WDR25: variants seen among roughly 807,000 people sequenced by gnomAD.
WDR25 encodes WD repeat-containing protein 25.
Under a neutral mutation model 47.7 loss-of-function variants are expected in WDR25, and 35 were observed. That is an observed-to-expected ratio of 0.73 (90% CI 0.56 to 0.97). The LOEUF (loss-of-function observed/expected upper bound fraction) is 0.97. Among genes scored for constraint, WDR25 ranks in the 50% least tolerant of loss-of-function variants. The pLI, the probability that WDR25 is intolerant of heterozygous loss-of-function variation, is 0.00. For synonymous variants in WDR25, 248 were observed against 278.9 expected (o/e 0.89, Z 1.10); for missense variants, 634 against 704.7 (o/e 0.90, Z 1.14).
At chr14:100,518,669 T>C (rs990267869) in intron 4 of WDR25, among the ~76,000 whole-genome samples, 13 of 152,256 alleles carry the variant, frequency 8.5e-5, no homozygotes, top group African/African-American at 2.9e-4. Flanking sequence ...GGCGGGCAGA[T>C]TGTCTGAGCT....
chr14:100,413,150 A>C (rs1897758417), intron 2 of WDR25, among the ~76,000 whole-genome samples: 1 of 152,204 alleles, frequency 6.6e-6, no homozygotes, highest in Admixed American at 6.5e-5. Flanking sequence ...TAATTTTTAA[A>C]AAGGTAAATT....
intron 2 of WDR25, among the ~76,000 whole-genome samples, chr14:100,420,991 T>TC (rs1898009949): frequency 1.3e-5 from 2 of 152,254 alleles, no homozygotes; most frequent in Non-Finnish European, 2.9e-5. Context: ...TGAGTCTTTT[T>TC]ATTTCTGTCT....
At chr14:100,527,844 A>C (rs923602564) in intron 5 of WDR25, among the ~76,000 whole-genome samples, 2 of 152,082 alleles carry the variant, frequency 1.3e-5, no homozygotes, top group African/African-American at 4.8e-5. Context: ...GCTGCTCCCC[A>C]CTTTGCCCTC....
chr14:100,450,507 A>G (rs577093771), intron 2 of WDR25, among the ~76,000 whole-genome samples: 1 of 152,352 alleles, frequency 6.6e-6, no homozygotes, highest in Non-Finnish European at 1.5e-5. Context: ...TCCAGCAGTG[A>G]GCAAATTTCT....
At chr14:100,510,663 G>A (rs1054768435) in intron 4 of WDR25, among the ~76,000 whole-genome samples, 3 of 151,786 alleles carry the variant, frequency 2.0e-5, no homozygotes, top group Admixed American at 1.3e-4. Context: ...TTGAACCCGG[G>A]AGCCGGAGGT....
At chr14:100,394,212 G>A (rs540818791) in intron 2 of WDR25, among the ~76,000 whole-genome samples, 10 of 152,274 alleles carry the variant, frequency 6.6e-5, no homozygotes, top group East Asian at 1.9e-4. Flanking sequence ...AATCCGGTGC[G>A]CACCCAGTGA....
In WDR25 at chr14:100,502,898, T is replaced by C. The variant is rs11848096; in HGVS notation, c.1101+18774T>C. 0.56 allele frequency among the ~76,000 whole-genome samples: 85,303 copies of C among 151,974 alleles called. 27,645 individuals are homozygous for C. Among genetic ancestry groups the C allele is most frequent in the African/African-American group, 0.89 (36,861 of 41,472 alleles). ...CACGTAGGCACTAAAGGGCACAACA[T>C]ATGAGGGAATGGTGAGGGTTTTTTG... On this transcript the variant is annotated intron_variant, in intron 4 of 6. Coordinates refer to ENST00000402312, the MANE Select transcript of WDR25 (RefSeq NM_001161476.3). This position sits in a 1 kb window ranked among gnomAD's most constrained non-coding sequence, Gnocchi z 4.5.
intron 2 of WDR25, among the ~76,000 whole-genome samples, chr14:100,393,692 C>T (rs1467622403): frequency 2.6e-5 from 4 of 152,132 alleles, no homozygotes; most frequent in Admixed American, 6.5e-5. Flanking sequence ...GGAAAGGGAG[C>T]GAGGGCTGTT....
chr14:100,488,985 G>C lies in WDR25; in HGVS notation c.1101+4861G>C, dbSNP rs1198410163. On this transcript the variant is annotated intron_variant, in intron 4 of 6. Transcript: ENST00000402312. This position sits in a 1 kb window ranked among gnomAD's most constrained non-coding sequence, Gnocchi z 4.2. ...TGAGCTGATGGGGTCAGCCGCCACT[G>C]TCATTGTGATAGAGGCCTGCAGGAG... is the stretch of plus-strand genomic sequence containing the variant. Among the ~76,000 whole-genome samples, 1 of 152,340 alleles carries C rather than the reference G, an allele frequency of 6.6e-6. No homozygotes were observed. The highest frequency in any genetic ancestry group is 2.1e-4 in the South Asian group (1 of 4,832).
At chr14:100,478,506 C>A (rs1028394643) in intron 3 of WDR25, among the ~76,000 whole-genome samples, 9 of 152,204 alleles carry the variant, frequency 5.9e-5, no homozygotes, top group African/African-American at 1.9e-4. Context: ...AGCGAGATTT[C>A]TACCTTAGTC....
rs966229329 is a variant in WDR25 at position 100,412,904 on chromosome 14, A to G, written c.822+31158A>G. Among the ~76,000 whole-genome samples the G allele has an allele frequency of 3.9e-5, 6 of 152,154 alleles. No individual in the cohort carries two copies. In the South Asian group the frequency reaches 1.2e-3, roughly 32 times the overall value. ...GAGTACAGTGGCGCGATCTTGGCTC[A>G]CTGCAACCTCCACCTCCTGAGTTCA... is the stretch of plus-strand genomic sequence containing the variant. On this transcript the variant is annotated intron_variant, in intron 2 of 6. Coordinates refer to ENST00000402312, the MANE Select transcript of WDR25 (RefSeq NM_001161476.3).
rs1169378922 is a variant in WDR25 at position 100,499,610 on chromosome 14, G to A, written c.1101+15486G>A. Among the ~76,000 whole-genome samples the A allele has an allele frequency of 6.6e-6, 1 of 152,228 alleles. No individual in the cohort carries two copies. Among genetic ancestry groups the A allele is most frequent in the Non-Finnish European group, 1.5e-5 (1 of 68,034 alleles). On this transcript the variant is annotated intron_variant, in intron 4 of 6. Coordinates refer to ENST00000402312, the MANE Select transcript of WDR25 (RefSeq NM_001161476.3). The surrounding 1 kb of genome is among the most constrained non-coding windows in gnomAD (Gnocchi z 4.4). ...CTGCATCCTGGAGGAAGGCACTGGT[G>A]CAGAGAGATGGGCTGGAGGTGGGGT...
intron 2 of WDR25, among the ~76,000 whole-genome samples, chr14:100,403,473 C>G (rs1897440661): frequency 6.6e-6 from 1 of 152,188 alleles, no homozygotes. Context: ...CTCTTTCTAC[C>G]CTAGGTCTGG....
chr14:100,428,624 G>A lies in WDR25; in HGVS notation c.823-39397G>A, dbSNP rs1433775605. Among the ~76,000 whole-genome samples, 1 of 152,170 alleles carries A rather than the reference G, an allele frequency of 6.6e-6. No homozygotes were observed. Among genetic ancestry groups the A allele is most frequent in the Non-Finnish European group, 1.5e-5 (1 of 68,034 alleles). On this transcript the variant is annotated intron_variant, in intron 2 of 6. Transcript: ENST00000402312. This position sits in a 1 kb window ranked among gnomAD's most constrained non-coding sequence, Gnocchi z 4.3. ...CCAGGAGAGTACTGGGGCCTTGCCA[G>A]CGGAGCCCCCTCTTCCCTGGTCTTA...
At chr14:100,443,263 C>T (rs1191237197) in intron 2 of WDR25, among the ~76,000 whole-genome samples, 1 of 152,256 alleles carries the variant, frequency 6.6e-6, no homozygotes, top group African/African-American at 2.4e-5. Flanking sequence ...AAGAGACACA[C>T]ATTTAGAAAA....
chr14:100,429,139 A>T (rs990184856), intron 2 of WDR25, among the ~76,000 whole-genome samples: 4 of 152,122 alleles, frequency 2.6e-5, no homozygotes, highest in Non-Finnish European at 5.9e-5. Flanking sequence ...GCAGAACAGG[A>T]CCTGTCCTGA....
chr14:100,405,876 A>G (rs1263809549), intron 2 of WDR25, among the ~76,000 whole-genome samples: 3 of 152,176 alleles, frequency 2.0e-5, no homozygotes, highest in Non-Finnish European at 4.4e-5. Context: ...GTAACTGGCC[A>G]TTTGGAGACA....
At chr14:100,384,253 A>G (rs1380958794) in intron 2 of WDR25, among the ~76,000 whole-genome samples, 1 of 152,258 alleles carries the variant, frequency 6.6e-6, no homozygotes, top group Non-Finnish European at 1.5e-5. Flanking sequence ...TTTATAAGCC[A>G]TAGATACAAA....
intron 2 of WDR25, among the ~76,000 whole-genome samples, chr14:100,423,852 G>A (rs1051405507): frequency 6.6e-6 from 1 of 152,206 alleles, no homozygotes; most frequent in African/African-American, 2.4e-5. Flanking sequence ...TCAGGAAGCA[G>A]CATCTACATC....
Sources: allele counts gnomAD v4.1 joint callset (sites outside exome capture counted in the v4.1 genomes callset), GRCh38; gene constraint gnomAD v4.1.1; non-coding constraint Gnocchi (gnomAD v3.1); transcripts MANE v1.5; gene names NCBI Gene and HGNC (gene_info 2026-07-23, HGNC 2026-07-21).